The following MAGI1 variants were observed in gnomAD, a reference collection of about 807,000 sequenced individuals.
The protein encoded by MAGI1 is membrane-associated guanylate kinase, WW and PDZ domain-containing protein 1.
In MAGI1, 58 loss-of-function variants were observed where a neutral mutation model predicts 139.9. The ratio of observed to expected loss-of-function variants is 0.41; its 90% confidence interval spans 0.34 to 0.52. The LOEUF is 0.52. Among genes scored for constraint, MAGI1 ranks in the 20% least tolerant of loss-of-function variants. The pLI is 0.12. For synonymous variants in MAGI1, 812 were observed against 737.9 expected, an observed-to-expected ratio of 1.10 and a Z score of -1.63; for missense variants, 1,874 against 1,901.6, an observed-to-expected ratio of 0.99 and a Z score of 0.27.
At chr3:65,792,857 G>A (rs1432138527) in intron 1 of MAGI1, among the ~76,000 whole-genome samples, 2 of 152,014 alleles carry the variant, frequency 1.3e-5, no homozygotes, top group South Asian at 2.1e-4. Context: ...CTGACACCAC[G>A]GAAAGCAAAA....
In MAGI1 at chr3:65,727,873, A is replaced by G. The variant is rs150498554; in HGVS notation, c.314-105785T>C. Reference sequence around the variant, plus strand: ...AGATATATATTATTCAGAAGTGAAAATTATGTTATACTTTTAAGGATGATA... The same window carrying G: ...AGATATATATTATTCAGAAGTGAAAGTTATGTTATACTTTTAAGGATGATA... On this transcript the variant is annotated intron_variant, in intron 1 of 22. Transcript: ENST00000402939. Among the ~76,000 whole-genome samples, 748 of 152,320 alleles carry G rather than the reference A, an allele frequency of 4.9e-3. 1 individual carries two copies. The highest frequency in any genetic ancestry group is 0.01 in the Middle Eastern group (3 of 294).
intron 1 of MAGI1, among the ~76,000 whole-genome samples, chr3:65,840,981 T>A (rs59737978): frequency 0.01 from 1,595 of 152,302 alleles, 32 homozygotes; most frequent in African/African-American, 0.036. Flanking sequence ...CTATTCAAAT[T>A]ATCCATTTGA....
intron 3 of MAGI1, among the ~76,000 whole-genome samples, chr3:65,492,020 C>A (rs1023857365): frequency 1.3e-5 from 2 of 152,140 alleles, no homozygotes; most frequent in Non-Finnish European, 2.9e-5. Context: ...GTCACTGTAA[C>A]AGAAGCAATT....
chr3:65,365,923 C>A (rs1457757994), intron 18 of MAGI1, among the ~76,000 whole-genome samples: 1 of 152,176 alleles, frequency 6.6e-6, no homozygotes, highest in Non-Finnish European at 1.5e-5. Context: ...CAAAAGACAT[C>A]CCACAAATCC....
chr3:65,590,775 T>A (rs1269070970), intron 2 of MAGI1, among the ~76,000 whole-genome samples: 1 of 152,082 alleles, frequency 6.6e-6, no homozygotes, highest in East Asian at 1.9e-4. Flanking sequence ...TCCTACATCT[T>A]CCAGAATCTA....
intron 1 of MAGI1, among the ~76,000 whole-genome samples, chr3:65,705,498 T>C (rs1411123629): frequency 6.6e-6 from 1 of 152,244 alleles, no homozygotes; most frequent in Non-Finnish European, 1.5e-5. Context: ...CCCTGATTTG[T>C]ACAAAAAGAA....
At chr3:65,795,400 C>T (rs2108092881) in intron 1 of MAGI1, among the ~76,000 whole-genome samples, 1 of 152,230 alleles carries the variant, frequency 6.6e-6, no homozygotes, top group Non-Finnish European at 1.5e-5. Flanking sequence ...GGATGACGCC[C>T]TCAGGTGGCT....
intron 1 of MAGI1, among the ~76,000 whole-genome samples, chr3:65,796,758 T>G (rs2040175785): frequency 6.6e-6 from 1 of 152,258 alleles, no homozygotes; most frequent in Non-Finnish European, 1.5e-5. Flanking sequence ...ACTGTTGGCA[T>G]TGCAGACCAT....
intron 1 of MAGI1, among the ~76,000 whole-genome samples, chr3:65,786,760 C>T (rs1220186022): frequency 3.3e-5 from 5 of 151,448 alleles, no homozygotes; most frequent in Admixed American, 6.6e-5. Context: ...TACAGGCGCC[C>T]GCCACCACGC....
At chr3:65,954,004 T>C (rs536994012) in intron 1 of MAGI1, among the ~76,000 whole-genome samples, 1 of 152,206 alleles carries the variant, frequency 6.6e-6, no homozygotes, top group South Asian at 2.1e-4. Context: ...TCTAAAATGA[T>C]AGAGTCCCAG....
At chr3:65,367,175 AT>A (rs762941529) in intron 18 of MAGI1, among the ~76,000 whole-genome samples, 3 of 152,234 alleles carry the variant, frequency 2.0e-5, no homozygotes, top group Non-Finnish European at 2.9e-5. Flanking sequence ...ACTAAAAAGA[AT>A]GTCTCCTTGT....
chr3:65,657,454 T>C (rs2085943704), intron 1 of MAGI1, among the ~76,000 whole-genome samples: 1 of 145,262 alleles, frequency 6.9e-6, no homozygotes. Context: ...AAAAAACACA[T>C]AAATTTGTCT....
chr3:65,422,063 G>C (rs1946665426), intron 12 of MAGI1, among the ~76,000 whole-genome samples: 1 of 152,280 alleles, frequency 6.6e-6, no homozygotes, highest in African/African-American at 2.4e-5. Flanking sequence ...TCACTTCTGA[G>C]GGTGCAATAA....
At chr3:65,604,772 T>C (rs1226550437) in intron 2 of MAGI1, among the ~76,000 whole-genome samples, 2 of 152,126 alleles carry the variant, frequency 1.3e-5, no homozygotes, top group African/African-American at 2.4e-5. Context: ...TGGCTTTTAT[T>C]AGTCAACTGG....
At chr3:65,970,485 G>C (rs4688253) in intron 1 of MAGI1, among the ~76,000 whole-genome samples, 125,022 of 151,450 alleles carry the variant, frequency 0.83, 51,806 homozygotes, top group Admixed American at 0.89. Context: ...GTGGCTAAAA[G>C]GGTAAATTTT....
intron 2 of MAGI1, among the ~76,000 whole-genome samples, chr3:65,530,578 G>A (rs531561706): frequency 4.8e-4 from 72 of 149,598 alleles, no homozygotes; most frequent in East Asian, 1.2e-3. Context: ...GATTGCACAC[G>A]ACTCCAGCCT....
chr3:65,930,126 C>T (rs1207354349), intron 1 of MAGI1, among the ~76,000 whole-genome samples: 1 of 151,086 alleles, frequency 6.6e-6, no homozygotes, highest in Admixed American at 6.6e-5. Context: ...ACCATCCTGG[C>T]TAACACGGTG....
At chr3:65,427,525 C>A (rs1421885639) in intron 12 of MAGI1, among the ~76,000 whole-genome samples, 1 of 152,096 alleles carries the variant, frequency 6.6e-6, no homozygotes, top group Middle Eastern at 3.2e-3. Flanking sequence ...GTTAGGAGAA[C>A]AAGGTGGTTT....
At chr3:65,781,644 T>A (rs374792937) in intron 1 of MAGI1, among the ~76,000 whole-genome samples, 39 of 152,378 alleles carry the variant, frequency 2.6e-4, no homozygotes, top group African/African-American at 9.1e-4. Context: ...TGACTTGACA[T>A]TAAACTCGTA....
Sources: gnomAD v4.1 joint callset for allele counts (sites outside exome capture counted in the v4.1 genomes callset) on GRCh38, gnomAD v4.1.1 for gene constraint, MANE v1.5 for transcripts, NCBI Gene and HGNC (gene_info 2026-07-23, HGNC 2026-07-21) for gene names.